Variants in OCA2 observed in about 807,000 individuals in gnomAD.
OCA2 encodes OCA2 melanosomal transmembrane protein.
In OCA2, 77 loss-of-function variants were observed where a neutral mutation model predicts 100.2. That is an observed-to-expected ratio of 0.77 (90% CI 0.64 to 0.93). The LOEUF is 0.93. Ranked by LOEUF, OCA2 falls within the 40% of genes least tolerant of loss-of-function variation. OCA2 has a pLI of 0.00. For missense variants in OCA2, 1,062 were observed against 1,089.1 expected, an observed-to-expected ratio of 0.98 and a Z score of 0.35; for synonymous variants, 432 against 439.2, an observed-to-expected ratio of 0.98 and a Z score of 0.21.
chr15:27,877,254 T>A (rs2036827631), intron 19 of OCA2, among the ~76,000 whole-genome samples: 1 of 151,946 alleles, frequency 6.6e-6, no homozygotes, highest in Non-Finnish European at 1.5e-5. Context: ...TGTAATATTA[T>A]AATCTTGGTG....
At chr15:27,794,609 A>G (rs112064893) in intron 23 of OCA2, among the ~76,000 whole-genome samples, 1,706 of 152,302 alleles carry the variant, frequency 0.011, 37 homozygotes, top group African/African-American at 0.039. Context: ...TACCTGGATC[A>G]CTGTACGTTA....
At chr15:27,722,780 T>TTTTCTCTC in the OCA2 span, among the ~76,000 whole-genome samples, 1 of 134,210 alleles carries the variant, frequency 7.5e-6, no homozygotes, top group Non-Finnish European at 1.5e-5. Context: ...TTTTCTTTCT[T>TTTTCTCTC]TCTCTCTCTC....
chr15:27,890,830 A>G (rs2037427195), intron 19 of OCA2, among the ~76,000 whole-genome samples: 1 of 152,122 alleles, frequency 6.6e-6, no homozygotes, highest in South Asian at 2.1e-4. Flanking sequence ...GATCAAGACC[A>G]TCCTGGCCAA....
At chr15:27,996,251 T>C (rs968203313) in intron 9 of OCA2, among the ~76,000 whole-genome samples, 1 of 152,206 alleles carries the variant, frequency 6.6e-6, no homozygotes, top group Non-Finnish European at 1.5e-5. Flanking sequence ...GGGAAGTTTA[T>C]AGTGATGAAT....
chr15:27,863,083 C>G lies in OCA2; in HGVS notation c.2244+8071G>C, dbSNP rs537450779. 3.3e-5 allele frequency among the ~76,000 whole-genome samples: 5 copies of G among 152,154 alleles called. No homozygotes were observed. In the South Asian group the frequency reaches 1.0e-3, roughly 32 times the overall value. On this transcript the variant is annotated intron_variant, in intron 21 of 23. Coordinates refer to ENST00000354638, the MANE Select transcript of OCA2 (RefSeq NM_000275.3). Reference sequence around the variant, plus strand: ...AACCATCAGCGGGAGGCTGGCAGGGCTGACCTGACAGGTCAGGAAGGAGAG... The same window carrying G: ...AACCATCAGCGGGAGGCTGGCAGGGGTGACCTGACAGGTCAGGAAGGAGAG...
At chr15:27,851,824 C>T (rs1161505136) in intron 21 of OCA2, among the ~76,000 whole-genome samples, 1 of 152,176 alleles carries the variant, frequency 6.6e-6, no homozygotes, top group African/African-American at 2.4e-5. Flanking sequence ...TAACTATGCA[C>T]ACGTCATCTT....
chr15:27,862,477 A>ATTT (rs57715276), intron 21 of OCA2, among the ~76,000 whole-genome samples: 65 of 145,300 alleles, frequency 4.5e-4, no homozygotes, highest in African/African-American at 1.4e-3. Context: ...CTCCTCAGAC[A>ATTT]TTTTTTTTTT....
chr15:27,727,817 C>T, the OCA2 span, among the ~76,000 whole-genome samples: 1 of 152,072 alleles, frequency 6.6e-6, no homozygotes, highest in African/African-American at 2.4e-5. Flanking sequence ...GGAGTAGAAC[C>T]GGATGACACC....
chr15:27,887,892 G>A (rs1214910764), intron 19 of OCA2, among the ~76,000 whole-genome samples: 1 of 151,460 alleles, frequency 6.6e-6, no homozygotes, highest in East Asian at 2.0e-4. Flanking sequence ...TAACCATGGG[G>A]GGCACCCCAT....
chr15:27,897,040 A>C (rs2037727062), intron 19 of OCA2, among the ~76,000 whole-genome samples: 1 of 152,030 alleles, frequency 6.6e-6, no homozygotes, highest in African/African-American at 2.4e-5. Flanking sequence ...AATACAAAAA[A>C]TTAGCCGGGT....
chr15:28,015,764 C>T (rs1383825455), intron 8 of OCA2, among the ~76,000 whole-genome samples: 4 of 152,110 alleles, frequency 2.6e-5, no homozygotes, highest in South Asian at 4.1e-4. Flanking sequence ...GCAAGAGTAC[C>T]GATTGAATAT....
the OCA2 span, among the ~76,000 whole-genome samples, chr15:27,729,702 G>C: frequency 4.3e-4 from 65 of 152,200 alleles, no homozygotes; most frequent in Non-Finnish European, 6.2e-4. Flanking sequence ...TCTAGCTTCT[G>C]TGCGTTTAAG....
the OCA2 span, among the ~76,000 whole-genome samples, chr15:27,726,050 ACT>A: frequency 6.6e-6 from 1 of 151,970 alleles, no homozygotes; most frequent in Non-Finnish European, 1.5e-5. Context: ...TAATCCCAGC[ACT>A]TTGGGAGCCT....
chr15:28,005,463 C>A (rs982674159), intron 9 of OCA2, among the ~76,000 whole-genome samples: 1 of 152,194 alleles, frequency 6.6e-6, no homozygotes, highest in Non-Finnish European at 1.5e-5. Flanking sequence ...CTACATCCTA[C>A]ATCGAGGCGT....
At chr15:27,997,215 AG>A (rs2041775805) in intron 9 of OCA2, among the ~76,000 whole-genome samples, 3 of 136,058 alleles carry the variant, frequency 2.2e-5, no homozygotes, top group African/African-American at 5.0e-5. Flanking sequence ...TATAAAGGAA[AG>A]GAAAGAAAGA....
At chr15:28,079,058 CCT>C (rs1415432009) in intron 2 of OCA2, among the ~76,000 whole-genome samples, 1 of 152,162 alleles carries the variant, frequency 6.6e-6, no homozygotes, top group African/African-American at 2.4e-5. Context: ...GGGATGATTC[CCT>C]GAGAGCTAAA....
intron 19 of OCA2, among the ~76,000 whole-genome samples, chr15:27,899,783 G>A (rs1326281483): frequency 6.6e-6 from 1 of 152,198 alleles, no homozygotes; most frequent in African/African-American, 2.4e-5. Flanking sequence ...CCACCCTACA[G>A]CATGCAGTAT....
intron 14 of OCA2, among the ~76,000 whole-genome samples, chr15:27,976,340 G>A (rs867360729): frequency 2.0e-5 from 3 of 152,302 alleles, no homozygotes; most frequent in Non-Finnish European, 2.9e-5. Context: ...TGTTTCTGAT[G>A]TTAGAGGGAA....
At chr15:27,785,411 T>C (rs927981010) in intron 23 of OCA2, among the ~76,000 whole-genome samples, 2 of 152,128 alleles carry the variant, frequency 1.3e-5, no homozygotes, top group African/African-American at 4.8e-5. Context: ...CAAAAGCTAG[T>C]ATATCTATGC....
Sources: gnomAD v4.1 joint callset for allele counts (sites outside exome capture counted in the v4.1 genomes callset) on GRCh38, gnomAD v4.1.1 for gene constraint, MANE v1.5 for transcripts, NCBI Gene and HGNC (gene_info 2026-07-23, HGNC 2026-07-21) for gene names.